Variants in CELF4 observed in about 807,000 individuals in gnomAD.
CELF4 encodes the protein CUGBP Elav-like family member 4, also known as CUG-BP- and ETR-3-like factor 4.
CELF4 carries 18 observed loss-of-function variants against 59.9 expected under a neutral mutation model. The observed-to-expected ratio is 0.30, with a 90% CI of 0.21 to 0.45. CELF4 has a LOEUF of 0.45. Among genes scored for constraint, CELF4 ranks in the 20% least tolerant of loss-of-function variants. The pLI is 1.00. For missense variants in CELF4, 456 were observed against 689.0 expected (o/e 0.66, Z 3.79); for synonymous variants, 261 against 267.1 (o/e 0.98, Z 0.22).
intron 2 of CELF4, among the ~76,000 whole-genome samples, chr18:37,407,537 G>A (rs2099397885): frequency 6.6e-6 from 1 of 151,952 alleles, no homozygotes; most frequent in Admixed American, 6.6e-5. Flanking sequence ...GTGTACATGT[G>A]TGTATATATG....
intron 2 of CELF4, among the ~76,000 whole-genome samples, chr18:37,479,124 G>A (rs1042023583): frequency 2.0e-5 from 3 of 152,198 alleles, no homozygotes; most frequent in African/African-American, 7.2e-5. Flanking sequence ...AACGGCAGGC[G>A]ACAAATGATC....
intron 1 of CELF4, among the ~76,000 whole-genome samples, chr18:37,498,388 A>C (rs1786780): frequency 0.87 from 113,277 of 129,894 alleles, 49,463 homozygotes; most frequent in East Asian, 0.96. Flanking sequence ...CCTTTCCATC[A>C]TCTCCCCTTC....
intron 2 of CELF4, among the ~76,000 whole-genome samples, chr18:37,371,079 C>T (rs1290198975): frequency 6.6e-6 from 1 of 152,180 alleles, no homozygotes. Context: ...CTTAGATCCT[C>T]AGCCCCGAGC....
chr18:37,485,507 A>C lies in CELF4; in HGVS notation c.369+18T>G. 5 of 1,308,036 alleles carry C rather than the reference A, an allele frequency of 3.8e-6. No homozygotes were observed. The highest frequency in any genetic ancestry group is 2.0e-6 in the Non-Finnish European group (2 of 1,019,152). The allele number at this position is 1,308,036 out of a possible 1,614,324, so 81.0% of individuals were successfully genotyped here. A position where few individuals can be genotyped will look rare whatever the true frequency, so the allele number is the denominator to read the frequency against. ...TGTCGGCGCGTCGGCCGCTTGCGCC[A>C]CGGCGGGCGCCACTTACCCCGGGCA... On this transcript the variant is annotated intron_variant, in intron 2 of 12. Coordinates refer to ENST00000420428, the MANE Select transcript of CELF4 (RefSeq NM_020180.4).
At chr18:37,335,911 G>A (rs1435878671) in intron 2 of CELF4, among the ~76,000 whole-genome samples, 2 of 152,108 alleles carry the variant, frequency 1.3e-5, no homozygotes, top group Non-Finnish European at 2.9e-5. Context: ...AGCCTGCTGT[G>A]GCAGGAACAT....
chr18:37,342,287 T>A lies in CELF4; in HGVS notation c.370-20406A>T, dbSNP rs375502718. Among the ~76,000 whole-genome samples, 92 of 151,308 alleles carry A rather than the reference T, an allele frequency of 6.1e-4. 1 individual carries two copies. Among genetic ancestry groups the A allele is most frequent in the African/African-American group, 2.1e-3 (88 of 41,166 alleles). On this transcript the variant is annotated intron_variant, in intron 2 of 12. Transcript: ENST00000420428. The stretch of plus-strand genomic sequence containing the variant: ...CACACGCTGGGCACATGGCAGCCTC[T>A]CCACCTCCTCCCCAGTTTTCTGTTC...
At chr18:37,262,100 TGGA>T (rs2074946377) in intron 10 of CELF4, among the ~76,000 whole-genome samples, 2 of 152,212 alleles carry the variant, frequency 1.3e-5, no homozygotes, top group South Asian at 4.1e-4. Flanking sequence ...TCCCCCTGCC[TGGA>T]CCTCCTGCCT....
intron 2 of CELF4, among the ~76,000 whole-genome samples, chr18:37,460,672 C>T (rs143705300): frequency 1.3e-5 from 2 of 152,380 alleles, no homozygotes; most frequent in Middle Eastern, 3.4e-3. Context: ...CATACAGATG[C>T]ATGCGAATTC....
At position 37,338,638 on chromosome 18, in the gene CELF4, G is replaced by A. The variant is rs574101835; in HGVS notation, c.370-16757C>T. 3.9e-5 allele frequency among the ~76,000 whole-genome samples: 6 copies of A among 152,282 alleles called. No homozygotes were observed. The South Asian group carries it at 6.2e-4, about 16-fold the overall frequency. ...TGGGCTCCACTGGGCACCAGGCCAC[G>A]TGATGTCATGGGAACAGCATGACTA... On this transcript the variant is annotated intron_variant, in intron 2 of 12. Coordinates refer to ENST00000420428, the MANE Select transcript of CELF4 (RefSeq NM_020180.4).
intron 1 of CELF4, among the ~76,000 whole-genome samples, chr18:37,525,068 C>A (rs1384769701): frequency 6.6e-6 from 1 of 152,158 alleles, no homozygotes; most frequent in Non-Finnish European, 1.5e-5. Context: ...CTTGGCCAGC[C>A]GACCACCCTT....
intron 3 of CELF4, among the ~76,000 whole-genome samples, chr18:37,291,371 G>C (rs994563874): frequency 9.2e-5 from 14 of 152,224 alleles, no homozygotes; most frequent in African/African-American, 3.4e-4. Flanking sequence ...CTCAAGAGGA[G>C]GGTTCATGTC....
chr18:37,302,342 A>C (rs1468639361), intron 3 of CELF4, among the ~76,000 whole-genome samples: 1 of 152,082 alleles, frequency 6.6e-6, no homozygotes, highest in Non-Finnish European at 1.5e-5. Context: ...GAGCCCCTAA[A>C]GTGCTTCCTT....
chr18:37,493,745 C>A (rs1466175765), intron 1 of CELF4, among the ~76,000 whole-genome samples: 2 of 152,130 alleles, frequency 1.3e-5, no homozygotes, highest in African/African-American at 4.8e-5. Flanking sequence ...CTGCTCTCCT[C>A]TTTAGGGGCT....
chr18:37,315,331 G>A (rs548478057), intron 3 of CELF4, among the ~76,000 whole-genome samples: 2 of 152,208 alleles, frequency 1.3e-5, no homozygotes, highest in Admixed American at 1.3e-4. Flanking sequence ...AGATGAGCAC[G>A]GGCAGGTGGC....
chr18:37,333,160 C>T (rs2154536566), intron 2 of CELF4, among the ~76,000 whole-genome samples: 1 of 152,284 alleles, frequency 6.6e-6, no homozygotes, highest in East Asian at 1.9e-4. Flanking sequence ...TATACTTGCT[C>T]ATACAAGGCG....
intron 3 of CELF4, among the ~76,000 whole-genome samples, chr18:37,308,184 T>C (rs1252137688): frequency 6.6e-6 from 1 of 152,080 alleles, no homozygotes; most frequent in African/African-American, 2.4e-5. Context: ...GCAGGTGACC[T>C]GTCTTCCTAA....
At chr18:37,538,988 G>C (rs866680220) in intron 1 of CELF4, among the ~76,000 whole-genome samples, 5 of 152,142 alleles carry the variant, frequency 3.3e-5, no homozygotes, top group Non-Finnish European at 7.3e-5. Context: ...GCTCCCAGCA[G>C]CTCCCTCCCT....
intron 1 of CELF4, among the ~76,000 whole-genome samples, chr18:37,552,277 T>C (rs1162012055): frequency 6.6e-6 from 1 of 152,232 alleles, no homozygotes; most frequent in Non-Finnish European, 1.5e-5. Context: ...GGCACCTGAA[T>C]TGGACATGAA....
chr18:37,344,685 A>G (rs1462640848), intron 2 of CELF4, among the ~76,000 whole-genome samples: 1 of 152,226 alleles, frequency 6.6e-6, no homozygotes, highest in African/African-American at 2.4e-5. Flanking sequence ...ATGTCTTGCT[A>G]TCCATGCACT....
Sources: allele counts gnomAD v4.1 joint callset (sites outside exome capture counted in the v4.1 genomes callset), GRCh38; gene constraint gnomAD v4.1.1; transcripts MANE v1.5; gene names NCBI Gene and HGNC (gene_info 2026-07-23, HGNC 2026-07-21).